The following HERC6 variants were observed in gnomAD, a reference collection of about 807,000 sequenced individuals.
HERC6 encodes the protein probable E3 ubiquitin-protein ligase HERC6.
Under a neutral mutation model 114.5 loss-of-function variants are expected in HERC6, and 101 were observed. The observed-to-expected ratio is 0.88, with a 90% CI of 0.75 to 1.04. The LOEUF is 1.04. Among genes scored for constraint, HERC6 ranks in the 50% least tolerant of loss-of-function variants. The probability of loss-of-function intolerance (pLI) is 0.00; values close to 1 mark genes in which losing one functional copy is unlikely to be tolerated. For synonymous variants in HERC6, 408 were observed against 436.2 expected (o/e 0.94, Z 0.81); for missense variants, 1,133 against 1,230.9 (o/e 0.92, Z 1.19).
intron 4 of HERC6, among the ~76,000 whole-genome samples, chr4:88,392,863 T>A (rs1474330315): frequency 2.0e-5 from 3 of 152,234 alleles, no homozygotes; most frequent in African/African-American, 7.2e-5. Context: ...CTGCAATAAT[T>A]CCTTGTAACC....
intron 8 of HERC6, among the ~76,000 whole-genome samples, chr4:88,401,080 C>A (rs768074023): frequency 1.3e-5 from 2 of 152,038 alleles, no homozygotes; most frequent in Non-Finnish European, 2.9e-5. Context: ...GGAAACCTGA[C>A]CCGAGTGGGC....
intron 8 of HERC6, chr4:88,399,822 A>G (rs899356573): frequency 1.3e-5 from 2 of 152,158 alleles, no homozygotes; most frequent in East Asian, 1.9e-4. Flanking sequence ...TGAAGAAAAC[A>G]CATTGATTGT....
chr4:88,404,795 C>A, intron 8 of HERC6, 81 bp from the exon 9 acceptor site: 1 of 1,542,152 alleles, frequency 6.5e-7, no homozygotes, highest in South Asian at 1.2e-5. Flanking sequence ...TATTTACCAC[C>A]CATGCCAGGT....
chr4:88,433,848 G>A lies in HERC6; in HGVS notation c.2251-1877G>A, dbSNP rs551575758. 2.6e-5 allele frequency among the ~76,000 whole-genome samples: 4 copies of A among 152,292 alleles called. No individual in the cohort carries two copies. In the East Asian group the frequency reaches 7.7e-4, roughly 29 times the overall value. Reference sequence around the variant, plus strand: ...GCAGAAAGGACAGGCAGGAGGAGGAGAAAGATGAATACATGTGAAAAAATA... The same window carrying A: ...GCAGAAAGGACAGGCAGGAGGAGGAAAAAGATGAATACATGTGAAAAAATA... On this transcript the variant is annotated intron_variant, in intron 17 of 22. Transcript: ENST00000264346.
At position 88,440,178 on chromosome 4, in the gene HERC6, TCA is replaced by T; in HGVS notation, c.2773_2774del (p.His925SerfsTer17). 6.2e-7 allele frequency: 1 copy of T among 1,609,640 alleles called. No homozygotes were observed. Among genetic ancestry groups the T allele is most frequent in the Non-Finnish European group, 8.5e-7 (1 of 1,177,548 alleles). On this transcript the variant is annotated frameshift_variant, in exon 22 of 23. Transcript: ENST00000264346. LOFTEE classifies it high-confidence loss of function. ...NSKYEQGYQK[S>X]HPTIQLFWKA... ...AAAGTATGAGCAAGGATACCAAAAA[TCA>T]CATCCTACTATACAGTTGTTTTGGA... is the stretch of plus-strand genomic sequence containing the variant.
intron 16 of HERC6, among the ~76,000 whole-genome samples, chr4:88,429,813 T>G (rs1170282071): frequency 1.3e-5 from 2 of 152,230 alleles, no homozygotes; most frequent in African/African-American, 4.8e-5. Flanking sequence ...CATACCTATT[T>G]TTCTTTAAAT....
At chr4:88,420,405 C>A (rs1736913809) in intron 13 of HERC6, among the ~76,000 whole-genome samples, 1 of 151,994 alleles carries the variant, frequency 6.6e-6, no homozygotes, top group Non-Finnish European at 1.5e-5. Context: ...TTGATTGTGT[C>A]TTTGACCTGG....
At position 88,439,288 on chromosome 4, in the gene HERC6, C is replaced by T. The variant is rs190440571; in HGVS notation, c.2556-586C>T. On this transcript the variant is annotated intron_variant, in intron 20 of 22. Transcript: ENST00000264346. ...ACTCAGGAGGCTGTGGCGGGAGGTT[C>T]GCTTGAGGCCAGGAGTCCAAGTCCA... Among the ~76,000 whole-genome samples the T allele has an allele frequency of 3.3e-3, 500 of 151,446 alleles. 7 individuals carry two copies. The highest frequency in any genetic ancestry group is 0.012 in the African/African-American group (479 of 41,178).
At chr4:88,384,483 C>T (rs1224779708) in intron 2 of HERC6, among the ~76,000 whole-genome samples, 1 of 152,082 alleles carries the variant, frequency 6.6e-6, no homozygotes. Flanking sequence ...ACAGATATGA[C>T]AAGTAGTTGG....
chr4:88,436,405 T>G (rs541760954), intron 18 of HERC6, among the ~76,000 whole-genome samples: 1 of 152,308 alleles, frequency 6.6e-6, no homozygotes, highest in East Asian at 1.9e-4. Context: ...GTACTGTTAG[T>G]GTGAGAATAT....
At chr4:88,386,221 T>G (rs1734573574) in intron 3 of HERC6, among the ~76,000 whole-genome samples, 1 of 151,234 alleles carries the variant, frequency 6.6e-6, no homozygotes, top group African/African-American at 2.4e-5. Context: ...TTTTTTCTTT[T>G]TTGAGATGGA....
intron 8 of HERC6, 85 bp downstream of exon 8, chr4:88,398,294 C>A: frequency 1.5e-6 from 1 of 676,418 alleles, no homozygotes; most frequent in South Asian, 3.1e-5. Context: ...ATTATTCATA[C>A]ATATTCAGGT....
chr4:88,427,222 G>A (rs960696725), intron 15 of HERC6, among the ~76,000 whole-genome samples: 2 of 152,232 alleles, frequency 1.3e-5, no homozygotes, highest in African/African-American at 4.8e-5. Flanking sequence ...CAATTCAAAT[G>A]TGTAAATGTG....
At chr4:88,393,828 C>T (rs965621022) in intron 5 of HERC6, among the ~76,000 whole-genome samples, 2 of 152,178 alleles carry the variant, frequency 1.3e-5, no homozygotes, top group Admixed American at 1.3e-4. Context: ...TTCACAGATA[C>T]CATATTTTCA....
chr4:88,406,826 C>T lies in HERC6; in HGVS notation c.1274+1213C>T, dbSNP rs140974388. Reference sequence around the variant, plus strand: ...CAGGCCGGAGTGCAGTAGTGCAGCTCGGCTCACTGCAACCTCCACCCCCAA... The same window carrying T: ...CAGGCCGGAGTGCAGTAGTGCAGCTTGGCTCACTGCAACCTCCACCCCCAA... On this transcript the variant is annotated intron_variant, in intron 10 of 22. Transcript: ENST00000264346. Among the ~76,000 whole-genome samples, 53 of 150,720 alleles carry T rather than the reference C, an allele frequency of 3.5e-4. 1 individual carries two copies. Among genetic ancestry groups the T allele is most frequent in the African/African-American group, 1.0e-3 (41 of 41,058 alleles).
At chr4:88,389,923 T>C (rs902529827) in intron 3 of HERC6, among the ~76,000 whole-genome samples, 1 of 151,900 alleles carries the variant, frequency 6.6e-6, no homozygotes, top group Non-Finnish European at 1.5e-5. Context: ...ATGCCTGTAA[T>C]CCCAACACTT....
chr4:88,386,482 AG>A (rs1734590931), intron 3 of HERC6, among the ~76,000 whole-genome samples: 1 of 152,176 alleles, frequency 6.6e-6, no homozygotes, highest in South Asian at 2.1e-4. Flanking sequence ...CTAGGGTTAC[AG>A]GCGTGAGCCA....
chr4:88,431,474 G>C (rs966298634), intron 17 of HERC6, among the ~76,000 whole-genome samples, 169 bp downstream of exon 17: 6 of 152,076 alleles, frequency 3.9e-5, no homozygotes, highest in African/African-American at 1.4e-4. Context: ...CGTCACTTGG[G>C]GAGCTGTTAG....
At chr4:88,417,119 T>C (rs1421387018) in intron 12 of HERC6, among the ~76,000 whole-genome samples, 8 of 152,154 alleles carry the variant, frequency 5.3e-5, no homozygotes, top group Non-Finnish European at 1.2e-4. Flanking sequence ...ATAGATACCC[T>C]ATACAATTGT....
Sources: gnomAD v4.1 joint callset for allele counts (sites outside exome capture counted in the v4.1 genomes callset) on GRCh38, gnomAD v4.1.1 for gene constraint, MANE v1.5 for transcripts, NCBI Gene and HGNC (gene_info 2026-07-23, HGNC 2026-07-21) for gene names.